Variants in PRR5 observed in about 807,000 individuals in gnomAD.
PRR5 encodes the protein proline rich 5.
Under a neutral mutation model 30.6 loss-of-function variants are expected in PRR5, and 25 were observed. The observed-to-expected ratio is 0.82, with a 90% CI of 0.60 to 1.14. The LOEUF is 1.14. Ranked by LOEUF, PRR5 falls within the 50% of genes most tolerant of loss-of-function variation. The pLI is 0.00. For synonymous variants in PRR5, 286 were observed against 247.1 expected, an observed-to-expected ratio of 1.16 and a Z score of -1.48; for missense variants, 600 against 547.1, an observed-to-expected ratio of 1.10 and a Z score of -0.96.
At chr22:44,735,653 C>G (rs2269574) in intron 7 of PRR5, among the ~76,000 whole-genome samples, 82,099 of 152,094 alleles carry the variant, frequency 0.54, 25,319 homozygotes, top group Non-Finnish European at 0.69. Flanking sequence ...AGCAATGTCC[C>G]TTGAGTACCT....
intron 2 of PRR5, among the ~76,000 whole-genome samples, chr22:44,719,631 C>T (rs1260889248): frequency 1.3e-5 from 2 of 152,192 alleles, no homozygotes; most frequent in Non-Finnish European, 2.9e-5. Flanking sequence ...AGAATACAGC[C>T]AGGGTGTCTG....
chr22:44,677,796 T>G (rs1314286407), intron 1 of PRR5, among the ~76,000 whole-genome samples: 2 of 152,158 alleles, frequency 1.3e-5, no homozygotes, highest in Non-Finnish European at 2.9e-5. Flanking sequence ...GGTCTCTAAT[T>G]TGTGAATTCA....
upstream of PRR5, among the ~76,000 whole-genome samples, chr22:44,700,524 G>C (rs555997555): frequency 6.8e-6 from 1 of 147,008 alleles, no homozygotes; most frequent in South Asian, 2.3e-4. Context: ...TATTCAGGAG[G>C]CTAACGTGGG....
chr22:44,707,938 G>A (rs193050208), intron 1 of PRR5, among the ~76,000 whole-genome samples: 169 of 152,230 alleles, frequency 1.1e-3, no homozygotes, highest in African/African-American at 3.9e-3. Context: ...GTAGTGCGTG[G>A]CCCCAAGATG....
upstream of PRR5, among the ~76,000 whole-genome samples, chr22:44,674,469 T>A (rs1923600462): frequency 6.6e-6 from 1 of 151,864 alleles, no homozygotes; most frequent in Admixed American, 6.6e-5. Context: ...ACGCCTGTAA[T>A]CCCAGCACTT....
At chr22:44,685,711 C>A (rs138495580) in intron 1 of PRR5, among the ~76,000 whole-genome samples, 1 of 152,358 alleles carries the variant, frequency 6.6e-6, no homozygotes, top group Non-Finnish European at 1.5e-5. Flanking sequence ...GTGCCTGACA[C>A]CCTCTCAGAC....
rs1197538790 is a variant in PRR5, at chr22:44,685,317, A to G, written c.-11+8077A>G. Reference sequence around the variant, plus strand: ...AGGCCTCAGTCTCACCATCTGTAAAATGGACAGTGGAGACTAGAATGGACA... The same window carrying G: ...AGGCCTCAGTCTCACCATCTGTAAAGTGGACAGTGGAGACTAGAATGGACA... On this transcript the variant is annotated intron_variant, in intron 1 of 8. Coordinates refer to the PRR5 transcript ENST00000006251. Among the ~76,000 whole-genome samples the G allele has an allele frequency of 2.0e-5, 3 of 152,296 alleles. No homozygotes were observed. The South Asian group carries it at 6.2e-4, about 32-fold the overall frequency.
At chr22:44,734,914 G>A (rs1922912590) in intron 6 of PRR5, 113 bp from the exon 7 acceptor site, 1 of 1,384,324 alleles carries the variant, frequency 7.2e-7, no homozygotes, top group East Asian at 2.3e-5. Flanking sequence ...TGTGGGAATG[G>A]GGAGGCGGGA....
intron 1 of PRR5, among the ~76,000 whole-genome samples, chr22:44,703,356 G>C (rs553305400): frequency 7.5e-6 from 1 of 133,534 alleles, no homozygotes; most frequent in Non-Finnish European, 1.6e-5. Context: ...ACACTGTTCG[G>C]GGGAGGCTGT....
intron 1 of PRR5, among the ~76,000 whole-genome samples, chr22:44,706,745 C>A (rs1335416682): frequency 6.6e-6 from 1 of 151,940 alleles, no homozygotes; most frequent in Non-Finnish European, 1.5e-5. Flanking sequence ...CCAGGCTGAT[C>A]TCGAACTTCT....
In PRR5 at chr22:44,735,054, G is replaced by A. The variant is rs758299054; in HGVS notation, c.583G>A (p.Glu195Lys). ...QGVHESRGVTEDYLRLETLVQ... is the reference protein window; with the variant it reads ...QGVHESRGVTKDYLRLETLVQ... ...GGTACATGAGTCCAGGGGCGTGACT[G>A]AGGACTACCTGCGCCTGGAGACGCT... Residue 195 changes from glutamate to lysine, a missense_variant, in exon 7 of 8, where the codon GAG becomes AAG. Physicochemically the swap from Glu to Lys is moderately conservative, Grantham distance 56. Transcript: ENST00000336985. 7.3e-5 allele frequency: 118 copies of A among 1,612,488 alleles called. 1 individual carries two copies. The highest frequency in any genetic ancestry group is 4.9e-4 in the Middle Eastern group (3 of 6,084).
In PRR5 at chr22:44,702,293, C is replaced by CGGCGCGGGACCCGAGACGGA. The variant is rs1356635253; in HGVS notation, c.-173_-154dup. 2.9e-5 allele frequency: 33 copies of CGGCGCGGGACCCGAGACGGA among 1,147,052 alleles called. 1 individual carries two copies. The highest frequency in any genetic ancestry group is 8.5e-5 in the South Asian group (2 of 23,442). 71.1% of individuals were successfully genotyped at this position (1,147,052 alleles called of 1,614,324 possible). On this transcript the variant is annotated 5_prime_UTR_variant, in exon 1 of 8. It removes the in-frame stop codon of an upstream open reading frame in the 5' UTR. Transcript: ENST00000336985. ...GCAATGATTAACCCGGCGGGGCGGCCGGCGCGGGACCCGAGACGGAGGCGC... is the reference window on the plus strand; with the variant it reads ...GCAATGATTAACCCGGCGGGGCGGCCGGCGCGGGACCCGAGACGGAGGCGCGGGACCCGAGACGGAGGCGC...
Position 44,705,315 on chromosome 22 carries a change from TTCTC to T in PRR5, c.134+2715_134+2718del, listed in dbSNP as rs150361908. Among the ~76,000 whole-genome samples, 20 of 151,900 alleles carry T rather than the reference TTCTC, an allele frequency of 1.3e-4. No individual in the cohort carries two copies. The East Asian group carries it at 2.1e-3, about 16-fold the overall frequency. ...TTCCACGTCCAAATCTCCCTCTCCTTTCTCTCTCTCTATTTTTTTTCCTTTCTTG... is the reference window on the plus strand; with the variant it reads ...TTCCACGTCCAAATCTCCCTCTCCTTTCTCTCTATTTTTTTTCCTTTCTTG... On this transcript the variant is annotated intron_variant, in intron 1 of 7. Coordinates refer to ENST00000336985, the MANE Select transcript of PRR5 (RefSeq NM_181333.4).
chr22:44,681,749 A>G (rs1924310035), intron 1 of PRR5, among the ~76,000 whole-genome samples: 1 of 152,184 alleles, frequency 6.6e-6, no homozygotes, highest in Non-Finnish European at 1.5e-5. Flanking sequence ...AAGAGCAGCC[A>G]CTGAGTCCCA....
intron 6 of PRR5, among the ~76,000 whole-genome samples, chr22:44,732,721 G>A (rs371863112): frequency 0.045 from 6,846 of 150,978 alleles, 230 homozygotes; most frequent in Admixed American, 0.081. Context: ...TAGTATGCAC[G>A]TGCACATGCA....
chr22:44,718,882 A>G (rs1569096831), intron 2 of PRR5, among the ~76,000 whole-genome samples: 1 of 152,088 alleles, frequency 6.6e-6, no homozygotes, highest in Non-Finnish European at 1.5e-5. Flanking sequence ...AGTTCTTTAT[A>G]TATTGTGGAT....
Position 44,731,471 on chromosome 22 carries a change from A to G in PRR5, c.323-259A>G, listed in dbSNP as rs1045537356. ...CCCTGAGCCAAGTTCCCTGTGCCTT[A>G]GGCTCATTTCATGCCCTCAGCTCTG... is the stretch of plus-strand genomic sequence containing the variant. On this transcript the variant is annotated intron_variant, in intron 4 of 7. Coordinates refer to ENST00000336985, the MANE Select transcript of PRR5 (RefSeq NM_181333.4). 1.1e-5 allele frequency: 6 copies of G among 552,576 alleles called. No individual in the cohort carries two copies. The East Asian group carries it at 1.2e-4, about 11-fold the overall frequency. 34.2% of individuals were successfully genotyped at this position (552,576 alleles called of 1,614,324 possible).
Position 44,729,836 on chromosome 22 carries a change from G to A in PRR5, c.323-1894G>A, listed in dbSNP as rs537270031. On this transcript the variant is annotated intron_variant, in intron 4 of 7. Coordinates refer to ENST00000336985, the MANE Select transcript of PRR5 (RefSeq NM_181333.4). ...GAGAACAGCCTGCGCTGAGCAGAACGCAGGCCTGGCCGGTGCCCAGAGCCA... is the reference window on the plus strand; with the variant it reads ...GAGAACAGCCTGCGCTGAGCAGAACACAGGCCTGGCCGGTGCCCAGAGCCA... 3.2e-4 allele frequency: 314 copies of A among 985,500 alleles called. 2 individuals are homozygous for A. In the South Asian group the frequency reaches 6.0e-3, roughly 19 times the overall value. The allele number at this position is 985,500 out of a possible 1,614,324, so 61.0% of individuals were successfully genotyped here.
In PRR5 at chr22:44,716,450, C is replaced by T. The variant is rs183603514; in HGVS notation, c.215+1779C>T. 2.5e-3 allele frequency among the ~76,000 whole-genome samples: 387 copies of T among 152,250 alleles called. 5 individuals are homozygous for T. The highest frequency in any genetic ancestry group is 0.011 in the Admixed American group (163 of 15,292). ...CATTGGGAAGCCAAGGTAGGGGGAT[C>T]GCTAGAGGCCAGGAGTTTGAGACCA... is the stretch of plus-strand genomic sequence containing the variant. On this transcript the variant is annotated intron_variant, in intron 2 of 7. Coordinates refer to ENST00000336985, the MANE Select transcript of PRR5 (RefSeq NM_181333.4).
Sources: allele counts gnomAD v4.1 joint callset (sites outside exome capture counted in the v4.1 genomes callset), GRCh38; gene constraint gnomAD v4.1.1; transcripts MANE v1.5; gene names NCBI Gene and HGNC (gene_info 2026-07-23, HGNC 2026-07-21).